FRA10AC1: variants seen among roughly 807,000 people sequenced by gnomAD.
FRA10AC1 encodes the protein protein FRA10AC1.
In FRA10AC1, 43 loss-of-function variants were observed where a neutral mutation model predicts 56.5. That is an observed-to-expected ratio of 0.76 (90% confidence interval 0.60 to 0.98). The LOEUF is 0.98. Among genes scored for constraint, FRA10AC1 ranks in the 50% least tolerant of loss-of-function variants. FRA10AC1 has a pLI of 0.00. For missense variants in FRA10AC1, 346 were observed against 351.8 expected (o/e 0.98, Z 0.13); for synonymous variants, 112 against 110.5 (o/e 1.01, Z -0.09).
Position 93,687,523 on chromosome 10 carries a change from T to C in FRA10AC1, c.466-74A>G, listed in dbSNP as rs1231968005. On this transcript the variant is annotated intron_variant, in intron 7 of 13. Coordinates refer to ENST00000359204, the MANE Select transcript of FRA10AC1 (RefSeq NM_145246.5). ...AGAAATCTAAACATGGAGCCAACAA[T>C]GACATTCACCAACCTAAAAAATAAA... The C allele has an allele frequency of 3.1e-6, 4 of 1,291,614 alleles. 1 individual carries two copies. Among genetic ancestry groups the C allele is most frequent in the Non-Finnish European group, 1.0e-6 (1 of 956,938 alleles). The allele number at this position is 1,291,614 out of a possible 1,614,324, so 80.0% of individuals were successfully genotyped here. A position where few individuals can be genotyped will look rare whatever the true frequency, so the allele number is the denominator to read the frequency against.
intron 4 of FRA10AC1, among the ~76,000 whole-genome samples, chr10:93,696,388 G>T (rs2059236103): frequency 6.6e-6 from 1 of 152,146 alleles, no homozygotes. Flanking sequence ...CTCTACTCTT[G>T]TCAAACAACC....
intron 11 of FRA10AC1, among the ~76,000 whole-genome samples, chr10:93,680,585 T>A (rs1326516883): frequency 6.6e-6 from 1 of 152,164 alleles, no homozygotes; most frequent in African/African-American, 2.4e-5. Flanking sequence ...TAGCTAATGA[T>A]CTTCATAGCT....
intron 12 of FRA10AC1, chr10:93,671,864 T>C (rs1564810426): frequency 2.9e-6 from 1 of 346,200 alleles, no homozygotes; most frequent in South Asian, 2.3e-5. Flanking sequence ...ATTTTAAACA[T>C]TTTCAAATTG....
In FRA10AC1 at chr10:93,675,525, T is replaced by C. The variant is rs537297336; in HGVS notation, c.826+1128A>G. ...TTCAAGACCAGCCTGGCCAACATGG[T>C]GAAACCCCATCTCTACTAAATACAC... On this transcript the variant is annotated intron_variant, in intron 12 of 13. Transcript: ENST00000359204. 4.1e-5 allele frequency: 7 copies of C among 168,900 alleles called. No homozygotes were observed. In the Admixed American group the frequency reaches 4.3e-4, roughly 10 times the overall value. The allele number at this position is 168,900 out of a possible 1,614,324, so 10.5% of individuals were successfully genotyped here.
Position 93,692,528 on chromosome 10 carries a change from G to C in FRA10AC1, c.380+118C>G, listed in dbSNP as rs2059141924. ...CAAATAATCCTAGGCTTGATTTTAT[G>C]TCCTTGATTCAGAACTGTTCTATGA... is the stretch of plus-strand genomic sequence containing the variant. On this transcript the variant is annotated intron_variant, in intron 6 of 13. Transcript: ENST00000359204. The C allele has an allele frequency of 7.6e-6, 5 of 658,020 alleles. No individual in the cohort carries two copies. In the South Asian group the frequency reaches 9.9e-5, roughly 13 times the overall value. 40.8% of individuals were successfully genotyped at this position (658,020 alleles called of 1,614,324 possible). A position where few individuals can be genotyped will look rare whatever the true frequency, so the allele number is the denominator to read the frequency against.
Position 93,698,151 on chromosome 10 carries a change from G to C in FRA10AC1, c.204C>G (p.Leu68=). Residue 68 remains leucine, a synonymous_variant, in exon 4 of 14, where the codon CTC becomes CTG. Coordinates refer to ENST00000359204, the MANE Select transcript of FRA10AC1 (RefSeq NM_145246.5). ...AAAAGGATACAGCATCCATAGCTATGAGATGAAACCTTCTATTTCTTGCTT... is the reference window on the plus strand; with the variant it reads ...AAAAGGATACAGCATCCATAGCTATCAGATGAAACCTTCTATTTCTTGCTT... ...REEARNRRFH[L]IAMDAYQRHT... 1 of 1,572,388 alleles carries C rather than the reference G, an allele frequency of 6.4e-7. No individual in the cohort carries two copies. The highest frequency in any genetic ancestry group is 8.7e-7 in the Non-Finnish European group (1 of 1,155,864).
chr10:93,700,842 C>A (rs373059482), intron 1 of FRA10AC1, among the ~76,000 whole-genome samples: 2 of 152,026 alleles, frequency 1.3e-5, no homozygotes, highest in African/African-American at 4.8e-5. Flanking sequence ...TTTATTTATC[C>A]AGTTATTTTT....
At chr10:93,672,080 GATT>G (rs1312591655) in intron 12 of FRA10AC1, 3 of 450,362 alleles carry the variant, frequency 6.7e-6, no homozygotes, top group African/African-American at 6.0e-5. Context: ...CTCCAATAAT[GATT>G]ATTAGTCTAA....
chr10:93,699,755 T>G (rs766735861), intron 2 of FRA10AC1, among the ~76,000 whole-genome samples: 1 of 152,222 alleles, frequency 6.6e-6, no homozygotes, highest in Non-Finnish European at 1.5e-5. Flanking sequence ...AAAATATATG[T>G]AATGAAAAGG....
intron 1 of FRA10AC1, among the ~76,000 whole-genome samples, chr10:93,701,599 G>C (rs1244670048): frequency 6.6e-6 from 1 of 152,108 alleles, no homozygotes. Context: ...GAAGATGCTA[G>C]TTAAGGTTGG....
chr10:93,691,831 C>A (rs1273879307), intron 7 of FRA10AC1, 178 bp downstream of exon 7: 4 of 539,112 alleles, frequency 7.4e-6, no homozygotes, highest in African/African-American at 2.0e-5. Context: ...TTTCCATAGG[C>A]CTTTTGTAAA....
intron 7 of FRA10AC1, among the ~76,000 whole-genome samples, chr10:93,690,733 G>A (rs1439072661): frequency 6.6e-6 from 1 of 152,148 alleles, no homozygotes; most frequent in Non-Finnish European, 1.5e-5. Context: ...TTACAATACA[G>A]TAACTTTAAG....
chr10:93,701,097 A>C (rs959033706), intron 1 of FRA10AC1, among the ~76,000 whole-genome samples: 1 of 152,120 alleles, frequency 6.6e-6, no homozygotes, highest in South Asian at 2.1e-4. Context: ...CAGCATCCCA[A>C]AATGCTGGGA....
At chr10:93,700,837 T>C (rs1403801943) in intron 1 of FRA10AC1, among the ~76,000 whole-genome samples, 1 of 152,182 alleles carries the variant, frequency 6.6e-6, no homozygotes, top group Non-Finnish European at 1.5e-5. Context: ...TTCATTTTAT[T>C]TATCCAGTTA....
rs2058747295 is a variant in FRA10AC1 at position 93,670,758 on chromosome 10, A to T, written c.905+12T>A. ...GAAAAGGTACATATTCTCTATTAATATCAGCACTTACTGTGATTTTTCATC... is the reference window on the plus strand; with the variant it reads ...GAAAAGGTACATATTCTCTATTAATTTCAGCACTTACTGTGATTTTTCATC... On this transcript the variant is annotated intron_variant, in intron 13 of 13. Transcript: ENST00000359204. 1.9e-6 allele frequency: 3 copies of T among 1,548,658 alleles called. No homozygotes were observed. The highest frequency in any genetic ancestry group is 2.7e-6 in the Non-Finnish European group (3 of 1,121,300).
intron 11 of FRA10AC1, among the ~76,000 whole-genome samples, chr10:93,680,859 G>C (rs1240756429): frequency 1.3e-5 from 2 of 152,130 alleles, no homozygotes; most frequent in Non-Finnish European, 2.9e-5. Context: ...TGAAGAAATT[G>C]AGTCTTAGCG....
chr10:93,688,581 G>T (rs1224678479), intron 7 of FRA10AC1, among the ~76,000 whole-genome samples: 2 of 152,100 alleles, frequency 1.3e-5, no homozygotes, highest in African/African-American at 4.8e-5. Flanking sequence ...CTGACAGTAG[G>T]GGATGTTATG....
intron 11 of FRA10AC1, among the ~76,000 whole-genome samples, chr10:93,679,527 C>T (rs2058897790): frequency 6.6e-6 from 1 of 152,136 alleles, no homozygotes; most frequent in African/African-American, 2.4e-5. Flanking sequence ...AGAGAAGACA[C>T]AGCATCCATG....
intron 12 of FRA10AC1, chr10:93,671,582 C>G (rs928094120): frequency 6.2e-6 from 1 of 161,136 alleles, no homozygotes; most frequent in Admixed American, 6.5e-5. Context: ...AAACCTAATT[C>G]CCCACCAATT....
Sources: gnomAD v4.1 joint callset for allele counts (sites outside exome capture counted in the v4.1 genomes callset) on GRCh38, gnomAD v4.1.1 for gene constraint, MANE v1.5 for transcripts, NCBI Gene and HGNC (gene_info 2026-07-23, HGNC 2026-07-21) for gene names.